The following HYDIN variants were observed in gnomAD, a reference collection of about 807,000 sequenced individuals.
The protein encoded by HYDIN is HYDIN axonemal central pair apparatus protein, also known as axonemal central pair apparatus protein HYDIN.
HYDIN carries 132 observed loss-of-function variants against 403.9 expected under a neutral mutation model. That is an observed-to-expected ratio of 0.33 (90% confidence interval 0.28 to 0.38). The LOEUF (loss-of-function observed/expected upper bound fraction) is 0.38, where lower values mean the gene tolerates loss of function less well. HYDIN is among the 10% of genes least tolerant of loss of function. HYDIN has a pLI of 1.00. For synonymous variants in HYDIN, 1,202 were observed against 1,891.7 expected, an observed-to-expected ratio of 0.64 and a Z score of 9.46; for missense variants, 2,827 against 5,009.5, an observed-to-expected ratio of 0.56 and a Z score of 13.15.
rs2081750280 is a variant in HYDIN at position 71,053,721 on chromosome 16, G to A, written c.2529+6783C>T. Among the ~76,000 whole-genome samples, 3 of 149,026 alleles carry A rather than the reference G, an allele frequency of 2.0e-5. No individual in the cohort carries two copies. In the East Asian group the frequency reaches 5.8e-4, roughly 29 times the overall value. On this transcript the variant is annotated intron_variant, in intron 18 of 85. Coordinates refer to ENST00000393567, the MANE Select transcript of HYDIN (RefSeq NM_001270974.2). ...TGATACGGTTGCCTATGGGCAGAGA[G>A]AAAGGACATAGGACTGGCAAGGAGA...
intron 1 of HYDIN, among the ~76,000 whole-genome samples, chr16:71,198,970 T>G (rs1362140093): frequency 6.6e-6 from 1 of 152,240 alleles, no homozygotes; most frequent in Non-Finnish European, 1.5e-5. Context: ...GAGATCTGGT[T>G]GCCATCCAAA....
chr16:70,831,228 G>A (rs7195560), intron 80 of HYDIN, among the ~76,000 whole-genome samples: 5,145 of 151,926 alleles, frequency 0.034, 286 homozygotes, highest in African/African-American at 0.12. Flanking sequence ...AGAATCAGAA[G>A]GCCAGGCTTG....
At chr16:70,979,990 T>C (rs1324575267) in intron 29 of HYDIN, among the ~76,000 whole-genome samples, 1 of 151,692 alleles carries the variant, frequency 6.6e-6, no homozygotes, top group Non-Finnish European at 1.5e-5. Flanking sequence ...GTGAGTGTAG[T>C]GAACTGGAGA....
intron 45 of HYDIN, among the ~76,000 whole-genome samples, chr16:70,922,130 G>A (rs1375773728): frequency 6.6e-6 from 1 of 152,116 alleles, no homozygotes; most frequent in Non-Finnish European, 1.5e-5. Context: ...AACGACCAGG[G>A]GCTGGCTTTT....
rs985778245 is a variant in HYDIN at position 70,850,333 on chromosome 16, T to C, written c.12651+115A>G. 4.7e-5 allele frequency: 44 copies of C among 934,422 alleles called. No homozygotes were observed. The Middle Eastern group carries it at 1.2e-3, about 26-fold the overall frequency. The allele number at this position is 934,422 out of a possible 1,614,324, so 57.9% of individuals were successfully genotyped here. A position where few individuals can be genotyped will look rare whatever the true frequency, so the allele number is the denominator to read the frequency against. The stretch of plus-strand genomic sequence containing the variant: ...AGAGCTGCTCTTGCAGTGTTTCTGT[T>C]TTCCTGGTCTCTCTGGCATTTGAAG... On this transcript the variant is annotated intron_variant, in intron 74 of 85. Coordinates refer to ENST00000393567, the MANE Select transcript of HYDIN (RefSeq NM_001270974.2).
chr16:70,884,126 T>C lies in HYDIN; in HGVS notation c.9775-2A>G. On this transcript the variant is annotated splice_acceptor_variant, in intron 58 of 85. Coordinates refer to ENST00000393567, the MANE Select transcript of HYDIN (RefSeq NM_001270974.2). LOFTEE classifies it high-confidence loss of function. ...GAACATGCCATGGGCGAAGCGGGCC[T>C]GCAGGACAAGGGTGGGAGGGATAGG... 1 of 1,574,402 alleles carries C rather than the reference T, an allele frequency of 6.4e-7. No individual in the cohort carries two copies.
intron 1 of HYDIN, among the ~76,000 whole-genome samples, chr16:71,212,499 T>C (rs1020215174): frequency 1.1e-4 from 16 of 152,270 alleles, no homozygotes; most frequent in African/African-American, 3.4e-4. Flanking sequence ...GTAAGTTGTA[T>C]AGAAGATTTG....
chr16:70,837,397 C>A (rs1210970226), intron 77 of HYDIN, among the ~76,000 whole-genome samples: 1 of 152,140 alleles, frequency 6.6e-6, no homozygotes, highest in African/African-American at 2.4e-5. Context: ...CTGAAAGTCT[C>A]AAATTTCTCC....
At chr16:70,895,644 TG>T (rs1486862504) in intron 54 of HYDIN, among the ~76,000 whole-genome samples, 1 of 148,786 alleles carries the variant, frequency 6.7e-6, no homozygotes, top group Non-Finnish European at 1.5e-5. Flanking sequence ...GCAATATGTT[TG>T]TGTTGTTTTA....
At chr16:71,113,958 T>C (rs1249965593) in intron 10 of HYDIN, 2 of 151,198 alleles carry the variant, frequency 1.3e-5, no homozygotes, top group Non-Finnish European at 2.9e-5. Flanking sequence ...CAATTTGGGA[T>C]TGCCTGATGT....
rs747914220 is a variant in HYDIN at position 70,882,944 on chromosome 16, C to T, written c.9980-49G>A. 9.2e-6 allele frequency: 13 copies of T among 1,414,236 alleles called. No homozygotes were observed. The Admixed American group carries it at 1.8e-4, about 20-fold the overall frequency. The allele number at this position is 1,414,236 out of a possible 1,614,324, so 87.6% of individuals were successfully genotyped here. A position where few individuals can be genotyped will look rare whatever the true frequency, so the allele number is the denominator to read the frequency against. On this transcript the variant is annotated intron_variant, in intron 59 of 85. Coordinates refer to ENST00000393567, the MANE Select transcript of HYDIN (RefSeq NM_001270974.2). ...GAGATGCTGCCTGATTGCTGGATTC[C>T]CACTCTGTGATTCCTAATTTGGAAC...
At chr16:70,922,439 C>T (rs1255878943) in intron 45 of HYDIN, among the ~76,000 whole-genome samples, 2 of 152,168 alleles carry the variant, frequency 1.3e-5, no homozygotes, top group African/African-American at 4.8e-5. Context: ...CAAATAGATG[C>T]AGAAAGAAAA....
intron 10 of HYDIN, among the ~76,000 whole-genome samples, chr16:71,108,656 T>C (rs952818494): frequency 6.6e-6 from 1 of 152,062 alleles, no homozygotes; most frequent in Admixed American, 6.6e-5. Context: ...CTGTATATTA[T>C]GCATATTGAA....
intron 64 of HYDIN, 111 bp from the exon 65 acceptor site, chr16:70,872,290 G>A: frequency 1.9e-6 from 1 of 534,274 alleles, no homozygotes; most frequent in Non-Finnish European, 3.3e-6. Flanking sequence ...TCCTTGGATG[G>A]CTATATTTGA....
chr16:71,098,620 C>A (rs1325320107), intron 10 of HYDIN, among the ~76,000 whole-genome samples: 1 of 150,142 alleles, frequency 6.7e-6, no homozygotes. Flanking sequence ...TGAGATCCAA[C>A]TTTCAGAATG....
At position 70,821,756 on chromosome 16, in the gene HYDIN, T is replaced by A. The variant is rs543650297; in HGVS notation, c.14428-3184A>T. 1.5e-4 allele frequency among the ~76,000 whole-genome samples: 23 copies of A among 152,158 alleles called. No individual in the cohort carries two copies. The East Asian group carries it at 1.5e-3, about 10-fold the overall frequency. On this transcript the variant is annotated intron_variant, in intron 83 of 85. Transcript: ENST00000393567. ...AGTTTTTTTTTAAAAACTAATTTTT[T>A]AAAAAATATCTTAAGGCCTTTAAGA...
chr16:71,188,249 C>T (rs1371041020), intron 1 of HYDIN, among the ~76,000 whole-genome samples: 2 of 152,118 alleles, frequency 1.3e-5, no homozygotes, highest in Non-Finnish European at 2.9e-5. Flanking sequence ...CCAACCTAGG[C>T]CTCCCAAGCA....
intron 28 of HYDIN, 27 bp from the exon 29 acceptor site, chr16:70,981,595 G>T (rs765553436): frequency 1.2e-6 from 2 of 1,602,798 alleles, no homozygotes; most frequent in Admixed American, 3.4e-5. Context: ...CCAGAAAAGG[G>T]AAAACGAATG....
intron 1 of HYDIN, among the ~76,000 whole-genome samples, chr16:71,214,241 AAGTAATAAAG>A (rs2088751558): frequency 6.6e-6 from 1 of 152,286 alleles, no homozygotes; most frequent in South Asian, 2.1e-4. Context: ...AAGATGACCT[AAGTAATAAAG>A]AGATATACCA....
Sources: allele counts gnomAD v4.1 joint callset (sites outside exome capture counted in the v4.1 genomes callset), GRCh38; gene constraint gnomAD v4.1.1; transcripts MANE v1.5; gene names NCBI Gene and HGNC (gene_info 2026-07-23, HGNC 2026-07-21).